The following NELL1 variants were observed in gnomAD, a reference collection of about 807,000 sequenced individuals.
The protein encoded by NELL1 is neural EGFL like 1, also known as protein kinase C-binding protein NELL1.
Under a neutral mutation model 107.4 loss-of-function variants are expected in NELL1, and 76 were observed. The ratio of observed to expected loss-of-function variants is 0.71; its 90% confidence interval spans 0.59 to 0.86. The LOEUF (loss-of-function observed/expected upper bound fraction) is 0.86. Among genes scored for constraint, NELL1 ranks in the 40% least tolerant of loss-of-function variants. NELL1 has a pLI of 0.00. For missense variants in NELL1, 1,024 were observed against 1,005.5 expected (o/e 1.02, Z -0.25); for synonymous variants, 353 against 341.2 (o/e 1.03, Z -0.38).
intron 15 of NELL1, among the ~76,000 whole-genome samples, chr11:21,453,982 G>A (rs996401848): frequency 5.4e-5 from 8 of 149,216 alleles, no homozygotes; most frequent in African/African-American, 2.0e-4. Flanking sequence ...CATTGTGCAG[G>A]TTAGTTACAT....
intron 12 of NELL1, among the ~76,000 whole-genome samples, chr11:21,031,415 G>C (rs1852952800): frequency 6.6e-6 from 1 of 152,288 alleles, no homozygotes; most frequent in East Asian, 1.9e-4. Flanking sequence ...ACAGATGCAA[G>C]GTAGCAGCAT....
At chr11:21,075,036 G>A (rs1369969320) in intron 12 of NELL1, among the ~76,000 whole-genome samples, 2 of 152,212 alleles carry the variant, frequency 1.3e-5, no homozygotes, top group African/African-American at 4.8e-5. Flanking sequence ...TAGATGGATA[G>A]TGACACCTGT....
chr11:20,814,814 C>G (rs928045048), intron 3 of NELL1, among the ~76,000 whole-genome samples: 1 of 152,054 alleles, frequency 6.6e-6, no homozygotes, highest in Non-Finnish European at 1.5e-5. Flanking sequence ...TGGATATATA[C>G]CCAGTAAAGG....
At chr11:20,824,829 G>GTTT (rs1857844106) in intron 3 of NELL1, among the ~76,000 whole-genome samples, 1 of 151,362 alleles carries the variant, frequency 6.6e-6, no homozygotes, top group Admixed American at 6.6e-5. Flanking sequence ...TAAAAGTTTG[G>GTTT]AAAGTTTGTA....
chr11:21,304,376 G>A (rs11026010), intron 14 of NELL1, among the ~76,000 whole-genome samples: 24,668 of 151,918 alleles, frequency 0.16, 2,467 homozygotes, highest in South Asian at 0.35. Flanking sequence ...AGGAGTCAGA[G>A]ACAGGGCTTG....
chr11:20,910,353 A>G (rs1265293694), intron 5 of NELL1, among the ~76,000 whole-genome samples: 3 of 152,194 alleles, frequency 2.0e-5, no homozygotes, highest in Non-Finnish European at 4.4e-5. Flanking sequence ...AGGGATGGGG[A>G]AACAGACTCC....
At chr11:21,128,393 A>G (rs1342010828) in intron 13 of NELL1, among the ~76,000 whole-genome samples, 1 of 152,076 alleles carries the variant, frequency 6.6e-6, no homozygotes, top group Non-Finnish European at 1.5e-5. Flanking sequence ...ATTCTCGTTG[A>G]TAAGCAGACT....
chr11:20,814,438 C>G (rs908719828), intron 3 of NELL1, among the ~76,000 whole-genome samples: 3 of 152,130 alleles, frequency 2.0e-5, no homozygotes, highest in Admixed American at 2.0e-4. Flanking sequence ...TTTTTCAGCC[C>G]TTGCCTCCAC....
At chr11:21,229,309 T>G in intron 13 of NELL1, 23 bp from the exon 14 acceptor site, 1 of 1,613,108 alleles carries the variant, frequency 6.2e-7, no homozygotes, top group Admixed American at 1.7e-5. Flanking sequence ...AGTATTTCTC[T>G]TTTTCTCTCA....
chr11:21,565,061 A>T (rs1856938471), intron 17 of NELL1, among the ~76,000 whole-genome samples: 1 of 151,946 alleles, frequency 6.6e-6, no homozygotes, highest in Admixed American at 6.6e-5. Context: ...TGGGGCCAGG[A>T]TAGAAGCAAA....
chr11:21,197,321 C>T (rs1252417917), intron 13 of NELL1, among the ~76,000 whole-genome samples: 2 of 151,246 alleles, frequency 1.3e-5, no homozygotes, highest in East Asian at 3.9e-4. Flanking sequence ...ATGTCCAGAG[C>T]TCAGATTTGT....
intron 2 of NELL1, among the ~76,000 whole-genome samples, chr11:20,716,722 T>C (rs1855258898): frequency 1.3e-5 from 2 of 152,224 alleles, no homozygotes; most frequent in African/African-American, 4.8e-5. Context: ...CTGTGTAATC[T>C]TGGGCAATTT....
intron 14 of NELL1, among the ~76,000 whole-genome samples, chr11:21,263,883 A>G (rs1321922183): frequency 1.3e-5 from 2 of 151,926 alleles, no homozygotes; most frequent in Non-Finnish European, 2.9e-5. Context: ...CAGCCTTTAT[A>G]GGTATATAAT....
At chr11:21,338,852 T>G (rs1850496917) in intron 14 of NELL1, among the ~76,000 whole-genome samples, 1 of 152,176 alleles carries the variant, frequency 6.6e-6, no homozygotes, top group Non-Finnish European at 1.5e-5. Context: ...GTCTCAGTGA[T>G]CCAGGGATGG....
At chr11:21,055,815 T>C (rs1239804006) in intron 12 of NELL1, among the ~76,000 whole-genome samples, 1 of 151,702 alleles carries the variant, frequency 6.6e-6, no homozygotes, top group Non-Finnish European at 1.5e-5. Context: ...GTGTTGAACA[T>C]ACCACAGAAG....
intron 11 of NELL1, among the ~76,000 whole-genome samples, chr11:20,954,783 G>A (rs1288828573): frequency 6.6e-6 from 1 of 152,108 alleles, no homozygotes; most frequent in African/African-American, 2.4e-5. Flanking sequence ...TTGTCTCACC[G>A]GCCCTTCACT....
intron 11 of NELL1, among the ~76,000 whole-genome samples, chr11:20,951,208 A>G (rs531707592): frequency 1.3e-5 from 2 of 152,300 alleles, no homozygotes; most frequent in South Asian, 4.1e-4. Flanking sequence ...GATAGGCTTT[A>G]TATATTTTAC....
In NELL1 at chr11:21,034,587, A is replaced by G. The variant is rs147403022; in HGVS notation, c.1300+74027A>G. On this transcript the variant is annotated intron_variant, in intron 12 of 19. Coordinates refer to ENST00000357134, the MANE Select transcript of NELL1 (RefSeq NM_006157.5). ...TGCAATCAAATTAGAAATCAATACT[A>G]TGAAATTTACTCAAAACCATACAGT... 3.3e-3 allele frequency among the ~76,000 whole-genome samples: 505 copies of G among 152,316 alleles called. 7 individuals carry two copies. Among genetic ancestry groups the G allele is most frequent in the African/African-American group, 0.011 (469 of 41,568 alleles).
intron 18 of NELL1, among the ~76,000 whole-genome samples, chr11:21,571,971 A>AT (rs1331495749): frequency 1.3e-5 from 2 of 151,960 alleles, no homozygotes; most frequent in East Asian, 2.0e-4. Context: ...TTTCCATCAG[A>AT]TTTTTTTAAA....
Sources: allele counts gnomAD v4.1 joint callset (sites outside exome capture counted in the v4.1 genomes callset), GRCh38; gene constraint gnomAD v4.1.1; transcripts MANE v1.5; gene names NCBI Gene and HGNC (gene_info 2026-07-23, HGNC 2026-07-21).